STK24: variants seen among roughly 807,000 people sequenced by gnomAD.
The protein encoded by STK24 is serine/threonine kinase 24.
In STK24, 21 loss-of-function variants were observed where a neutral mutation model predicts 55.6. That is an observed-to-expected ratio of 0.38 (90% CI 0.27 to 0.54). The LOEUF (loss-of-function observed/expected upper bound fraction) is 0.54. STK24 is among the 20% of genes least tolerant of loss of function. STK24 has a pLI of 0.79. For missense variants in STK24, 383 were observed against 538.4 expected, an observed-to-expected ratio of 0.71 and a Z score of 2.86; for synonymous variants, 200 against 215.2, an observed-to-expected ratio of 0.93 and a Z score of 0.62.
At chr13:98,476,126 C>A (rs1257313207) in intron 3 of STK24, among the ~76,000 whole-genome samples, 1 of 152,086 alleles carries the variant, frequency 6.6e-6, no homozygotes, top group Non-Finnish European at 1.5e-5. Context: ...CCTATTGACT[C>A]CTTTATATCC....
At chr13:98,522,324 G>T (rs909849479) in intron 1 of STK24, among the ~76,000 whole-genome samples, 2 of 152,172 alleles carry the variant, frequency 1.3e-5, no homozygotes, top group Non-Finnish European at 2.9e-5. Flanking sequence ...GGTAGTTTCA[G>T]GGTCTGGGGC....
chr13:98,552,289 G>A (rs1164770969), intron 1 of STK24, among the ~76,000 whole-genome samples: 1 of 152,144 alleles, frequency 6.6e-6, no homozygotes. Flanking sequence ...ACAGGAACAA[G>A]GATGATGGGA....
At chr13:98,516,553 AT>A (rs1459932922) in intron 2 of STK24, among the ~76,000 whole-genome samples, 6 of 152,054 alleles carry the variant, frequency 3.9e-5, no homozygotes, top group African/African-American at 1.5e-4. Flanking sequence ...GGTGTGGGTC[AT>A]GTGGCTGAGT....
chr13:98,532,487 ACATCCCATACCCACCACACACC>A (rs1896607518), intron 1 of STK24, among the ~76,000 whole-genome samples: 1 of 149,502 alleles, frequency 6.7e-6, no homozygotes, highest in Admixed American at 6.7e-5. Flanking sequence ...CCACACACAC[ACATCCCATACCCACCACACACC>A]CATCCCACAC....
intron 1 of STK24, among the ~76,000 whole-genome samples, chr13:98,533,811 T>C (rs1896641484): frequency 6.6e-6 from 1 of 151,808 alleles, no homozygotes; most frequent in South Asian, 2.1e-4. Flanking sequence ...TCTGTTACCT[T>C]AGGAAACCAC....
chr13:98,488,773 G>A (rs1240154547), intron 2 of STK24, among the ~76,000 whole-genome samples: 1 of 152,146 alleles, frequency 6.6e-6, no homozygotes, highest in African/African-American at 2.4e-5. Flanking sequence ...TCTCACAGGA[G>A]CTTGGCAGAG....
chr13:98,507,118 C>T (rs1001863857), intron 2 of STK24, among the ~76,000 whole-genome samples: 1 of 152,222 alleles, frequency 6.6e-6, no homozygotes, highest in Non-Finnish European at 1.5e-5. Flanking sequence ...GTCTGCTCCA[C>T]CCGATTCTCC....
intron 6 of STK24, 61 bp from the exon 7 acceptor site, chr13:98,463,897 A>G (rs1893821600): frequency 6.4e-7 from 1 of 1,570,896 alleles, no homozygotes; most frequent in African/African-American, 1.4e-5. Context: ...ACCCCAAAGG[A>G]CAGACTTCTG....
chr13:98,531,249 A>C (rs1896572460), intron 1 of STK24, among the ~76,000 whole-genome samples: 3 of 152,338 alleles, frequency 2.0e-5, no homozygotes, highest in South Asian at 4.1e-4. Context: ...CGCCCTCCCA[A>C]AATCTGAAAA....
At chr13:98,507,024 G>A (rs973797628) in intron 2 of STK24, among the ~76,000 whole-genome samples, 1 of 152,242 alleles carries the variant, frequency 6.6e-6, no homozygotes, top group Non-Finnish European at 1.5e-5. Context: ...GCAAAGGACG[G>A]TGCTGGCCGA....
chr13:98,477,987 T>C (rs1200303354), intron 3 of STK24, among the ~76,000 whole-genome samples: 1 of 152,130 alleles, frequency 6.6e-6, no homozygotes, highest in Non-Finnish European at 1.5e-5. Context: ...TTGACTTATA[T>C]GCCCATGGGG....
intron 2 of STK24, among the ~76,000 whole-genome samples, chr13:98,514,323 T>G (rs1895984124): frequency 6.6e-6 from 1 of 152,270 alleles, no homozygotes; most frequent in African/African-American, 2.4e-5. Flanking sequence ...TGACTGGTTT[T>G]TCTGTTTCAT....
At position 98,445,831 on chromosome 13, in the gene STK24, A is replaced by G. The variant is rs576651258; in HGVS notation, c.*7342T>C. The stretch of plus-strand genomic sequence containing the variant: ...CTATTTCCAAATAAGCCTGTGTTCT[A>G]AGGTACTGGTAGTCAGGACCTCAAC... On this transcript the variant is annotated 3_prime_UTR_variant, in exon 11 of 11. Transcript: ENST00000539966. 5.2e-5 allele frequency: 20 copies of G among 383,598 alleles called. No individual in the cohort carries two copies. Among genetic ancestry groups the G allele is most frequent in the Admixed American group, 2.7e-4 (6 of 22,280 alleles). The allele number at this position is 383,598 out of a possible 1,614,324, so 23.8% of individuals were successfully genotyped here.
chr13:98,472,596 T>TG, intron 5 of STK24, among the ~76,000 whole-genome samples: 1 of 152,200 alleles, frequency 6.6e-6, no homozygotes, highest in Non-Finnish European at 1.5e-5. Flanking sequence ...ACAGTGCAGT[T>TG]GCTCAGTACA....
At chr13:98,498,835 A>C (rs1229862591) in intron 2 of STK24, among the ~76,000 whole-genome samples, 2 of 152,238 alleles carry the variant, frequency 1.3e-5, no homozygotes, top group African/African-American at 2.4e-5. Flanking sequence ...AAGGGAAAAC[A>C]GGACAGAGCC....
chr13:98,576,300 CGGGGGTGGGGGACGA>C (rs1897890396), intron 1 of STK24: 1 of 873,788 alleles, frequency 1.1e-6, no homozygotes, highest in South Asian at 5.2e-5. Flanking sequence ...CCCGCCTGCC[CGGGGGTGGGGGACGA>C]GCCTGGGGGA....
intron 1 of STK24, among the ~76,000 whole-genome samples, chr13:98,570,572 G>A (rs1186517800): frequency 6.6e-6 from 1 of 152,176 alleles, no homozygotes; most frequent in African/African-American, 2.4e-5. Flanking sequence ...TTCTTTTGCT[G>A]ACGAAGAACC....
intron 1 of STK24, among the ~76,000 whole-genome samples, chr13:98,554,859 G>C (rs1196897525): frequency 6.6e-5 from 10 of 151,742 alleles, no homozygotes; most frequent in Admixed American, 2.6e-4. Flanking sequence ...TACTAAAAAT[G>C]CAAAAATTAG....
chr13:98,559,013 A>C (rs1447282690), intron 1 of STK24, among the ~76,000 whole-genome samples: 9 of 146,590 alleles, frequency 6.1e-5, no homozygotes, highest in African/African-American at 2.0e-4. Context: ...AAAAAAAAAA[A>C]AAAAAAAAAA....
Sources: allele counts gnomAD v4.1 joint callset (sites outside exome capture counted in the v4.1 genomes callset), GRCh38; gene constraint gnomAD v4.1.1; transcripts MANE v1.5; gene names NCBI Gene and HGNC (gene_info 2026-07-23, HGNC 2026-07-21).